GNA14: variants seen among roughly 807,000 people sequenced by gnomAD.
GNA14 encodes guanine nucleotide-binding protein subunit alpha-14.
A neutral mutation model predicts 42.0 loss-of-function variants in GNA14; 50 were observed. That is an observed-to-expected ratio of 1.19 (90% CI 0.95 to 1.51). GNA14 has a LOEUF of 1.51. Among genes scored for constraint, GNA14 ranks in the 40% most tolerant of loss-of-function variants. The pLI, the probability that GNA14 is intolerant of heterozygous loss-of-function variation, is 0.00. For missense variants in GNA14, 473 were observed against 446.2 expected (o/e 1.06, Z -0.54); for synonymous variants, 173 against 163.1 (o/e 1.06, Z -0.46).
chr9:77,542,749 G>A (rs763139622), intron 1 of GNA14, among the ~76,000 whole-genome samples: 32 of 152,288 alleles, frequency 2.1e-4, no homozygotes, highest in South Asian at 1.5e-3. Context: ...GGTATCAGCA[G>A]GTTGGGTGAG....
chr9:77,627,377 G>A (rs894993181), intron 1 of GNA14, among the ~76,000 whole-genome samples: 1 of 152,216 alleles, frequency 6.6e-6, no homozygotes, highest in South Asian at 2.1e-4. Flanking sequence ...TCCCTACCTC[G>A]TTTTAGGTGG....
At chr9:77,451,763 C>T (rs1248928200) in intron 2 of GNA14, among the ~76,000 whole-genome samples, 2 of 152,176 alleles carry the variant, frequency 1.3e-5, no homozygotes, top group East Asian at 1.9e-4. Flanking sequence ...AAGCAAGAAC[C>T]CGAGATTCTT....
intron 2 of GNA14, among the ~76,000 whole-genome samples, chr9:77,504,561 AG>A (rs1837032358): frequency 6.7e-6 from 1 of 149,246 alleles, no homozygotes; most frequent in South Asian, 2.1e-4. Flanking sequence ...AGAGAGAGAG[AG>A]AGAGAGAGAA....
At chr9:77,620,959 G>T (rs12336074) in intron 1 of GNA14, among the ~76,000 whole-genome samples, 18,549 of 151,128 alleles carry the variant, frequency 0.12, 1,971 homozygotes, top group African/African-American at 0.29. Context: ...TTGAGACAGG[G>T]TCTCACTCCT....
At chr9:77,510,562 A>C (rs553038510) in intron 2 of GNA14, among the ~76,000 whole-genome samples, 15 of 152,314 alleles carry the variant, frequency 9.8e-5, no homozygotes, top group Admixed American at 5.2e-4. Context: ...ATTAAGGAAG[A>C]AGCATTAAAC....
At chr9:77,438,069 G>T (rs1444231361) in intron 2 of GNA14, among the ~76,000 whole-genome samples, 1 of 152,142 alleles carries the variant, frequency 6.6e-6, no homozygotes, top group East Asian at 1.9e-4. Flanking sequence ...GTCACCGGGA[G>T]ACCTCACCAG....
rs752028027 is a variant in GNA14 at position 77,438,051 on chromosome 9, C to T, written c.310-3529G>A. 2.6e-5 allele frequency among the ~76,000 whole-genome samples: 4 copies of T among 152,252 alleles called. No individual in the cohort carries two copies. In the South Asian group the frequency reaches 8.3e-4, roughly 32 times the overall value. On this transcript the variant is annotated intron_variant, in intron 2 of 6. Transcript: ENST00000341700. ...AAATGGGGAGTAGATATAGATATGA[C>T]CTCTCAGGTCACCGGGAGACCTCAC...
intron 2 of GNA14, among the ~76,000 whole-genome samples, chr9:77,438,571 T>C: frequency 6.6e-6 from 1 of 151,032 alleles, no homozygotes; most frequent in East Asian, 2.1e-4. Context: ...CCTAGCCGAT[T>C]TTTTTTTTTA....
chr9:77,536,827 G>T (rs1471315856), intron 1 of GNA14, among the ~76,000 whole-genome samples: 1 of 152,100 alleles, frequency 6.6e-6, no homozygotes, highest in Non-Finnish European at 1.5e-5. Context: ...AAGTCAATGG[G>T]TCATGCTAAC....
At chr9:77,505,654 T>G (rs1837057342) in intron 2 of GNA14, among the ~76,000 whole-genome samples, 1 of 152,162 alleles carries the variant, frequency 6.6e-6, no homozygotes, top group Admixed American at 6.5e-5. Flanking sequence ...TAGTCAGAAA[T>G]TTCAGAAATT....
chr9:77,459,800 G>C (rs1836073145), intron 2 of GNA14, among the ~76,000 whole-genome samples: 1 of 152,144 alleles, frequency 6.6e-6, no homozygotes. Flanking sequence ...CCAGGTACAA[G>C]GCTTTCTCAC....
At chr9:77,606,920 G>A (rs1823652851) in intron 1 of GNA14, among the ~76,000 whole-genome samples, 1 of 152,144 alleles carries the variant, frequency 6.6e-6, no homozygotes, top group South Asian at 2.1e-4. Context: ...AACAGGAAGA[G>A]ACACCAGAAT....
intron 2 of GNA14, among the ~76,000 whole-genome samples, chr9:77,495,304 A>C (rs577762991): frequency 1.6e-4 from 25 of 152,112 alleles, no homozygotes; most frequent in Admixed American, 3.9e-4. Context: ...GTTAGTAGCT[A>C]ACTAGCTAAT....
At chr9:77,640,011 G>A (rs79400870) in intron 1 of GNA14, among the ~76,000 whole-genome samples, 1,946 of 152,218 alleles carry the variant, frequency 0.013, 50 homozygotes, top group African/African-American at 0.044. Context: ...CCCAGTCCCC[G>A]GCCATCTGCA....
intron 2 of GNA14, among the ~76,000 whole-genome samples, chr9:77,523,867 A>G (rs1208698964): frequency 6.6e-6 from 1 of 152,160 alleles, no homozygotes; most frequent in Non-Finnish European, 1.5e-5. Context: ...ATGCAAGCAG[A>G]TTCTGCAGAA....
At chr9:77,574,974 C>T (rs148722791) in intron 1 of GNA14, among the ~76,000 whole-genome samples, 1 of 152,312 alleles carries the variant, frequency 6.6e-6, no homozygotes, top group Non-Finnish European at 1.5e-5. Context: ...AAGAGTAAAT[C>T]AGCCAGATGT....
chr9:77,540,030 G>T (rs1837639992), intron 1 of GNA14, among the ~76,000 whole-genome samples: 2 of 151,744 alleles, frequency 1.3e-5, no homozygotes, highest in Admixed American at 6.6e-5. Context: ...TTTTACTAAT[G>T]TTGGGTTTGG....
intron 1 of GNA14, among the ~76,000 whole-genome samples, chr9:77,591,216 C>G (rs911626588): frequency 6.6e-6 from 1 of 152,196 alleles, no homozygotes. Flanking sequence ...ACTACATAGG[C>G]CTCCCAAAGT....
intron 2 of GNA14, among the ~76,000 whole-genome samples, chr9:77,465,299 C>T (rs1001959173): frequency 3.3e-5 from 5 of 152,202 alleles, no homozygotes; most frequent in Admixed American, 6.5e-5. Context: ...TGGCTTCTTT[C>T]CCTTAGCTTA....
Sources: gnomAD v4.1 joint callset for allele counts (sites outside exome capture counted in the v4.1 genomes callset) on GRCh38, gnomAD v4.1.1 for gene constraint, MANE v1.5 for transcripts, NCBI Gene and HGNC (gene_info 2026-07-23, HGNC 2026-07-21) for gene names.